FOXK2: variants seen among roughly 807,000 people sequenced by gnomAD.
FOXK2 encodes forkhead box protein K2.
In FOXK2, 24 loss-of-function variants were observed where a neutral mutation model predicts 53.3. That is an observed-to-expected ratio of 0.45 (90% CI 0.33 to 0.63). FOXK2 has a LOEUF of 0.63. FOXK2 is among the 30% of genes least tolerant of loss of function. FOXK2 has a pLI of 0.03. For synonymous variants in FOXK2, 505 were observed against 407.1 expected, an observed-to-expected ratio of 1.24 and a Z score of -2.89; for missense variants, 952 against 910.5, an observed-to-expected ratio of 1.05 and a Z score of -0.59.
chr17:82,537,458 C>T (rs568653151), intron 1 of FOXK2, among the ~76,000 whole-genome samples: 2 of 151,170 alleles, frequency 1.3e-5, no homozygotes, highest in African/African-American at 4.9e-5. Context: ...CCAGCCTGGC[C>T]AGCATACAAA....
intron 1 of FOXK2, among the ~76,000 whole-genome samples, chr17:82,542,708 A>G (rs578149233): frequency 6.6e-6 from 1 of 152,234 alleles, no homozygotes; most frequent in East Asian, 1.9e-4. Flanking sequence ...AAGCAGTATT[A>G]CCAAGGGCTT....
chr17:82,549,845 A>G (rs2044659497), intron 1 of FOXK2, among the ~76,000 whole-genome samples: 1 of 152,228 alleles, frequency 6.6e-6, no homozygotes, highest in Admixed American at 6.5e-5. Context: ...ACCTTAGAAT[A>G]TAGAGCCAGC....
Position 82,601,744 on chromosome 17 carries a change from T to TAAG in FOXK2, c.*246_*247insAGA, listed in dbSNP as rs1416552649. On this transcript the variant is annotated 3_prime_UTR_variant, in exon 9 of 9. Transcript: ENST00000335255. The stretch of plus-strand genomic sequence containing the variant: ...CTGAGCACCTGCTGGGCTGAGCTTC[T>TAAG]ACCTACGAGTGAAACTCTGTCCTCC... The TAAG allele has an allele frequency of 2.4e-6, 1 of 419,692 alleles. No homozygotes were observed. The highest frequency in any genetic ancestry group is 3.7e-5 in the Admixed American group (1 of 26,912). 26.0% of individuals were successfully genotyped at this position (419,692 alleles called of 1,614,324 possible).
chr17:82,548,663 G>A (rs956684138), intron 1 of FOXK2, among the ~76,000 whole-genome samples: 1 of 152,176 alleles, frequency 6.6e-6, no homozygotes, highest in Admixed American at 6.5e-5. Flanking sequence ...ACAGTCAAAA[G>A]CATTTGGAGG....
At chr17:82,539,610 C>T (rs2044555092) in intron 1 of FOXK2, among the ~76,000 whole-genome samples, 1 of 151,748 alleles carries the variant, frequency 6.6e-6, no homozygotes. Context: ...GATCATACCA[C>T]TGCACTCCAG....
chr17:82,553,187 A>G (rs1035507566), intron 1 of FOXK2, among the ~76,000 whole-genome samples: 3 of 152,230 alleles, frequency 2.0e-5, no homozygotes, highest in Non-Finnish European at 4.4e-5. Flanking sequence ...CTGCCTGCCA[A>G]GGCCTCCCAA....
chr17:82,523,534 ATGATCTCGGCTCATTGCAACCTCCGC>A (rs1411397433), intron 1 of FOXK2, among the ~76,000 whole-genome samples: 2 of 147,858 alleles, frequency 1.4e-5, no homozygotes, highest in Non-Finnish European at 3.0e-5. Flanking sequence ...GTGCAATGGT[ATGATCTCGGCTCATTGCAACCTCCGC>A]TTCCTGGGCT....
At chr17:82,529,326 G>A (rs945831026) in intron 1 of FOXK2, among the ~76,000 whole-genome samples, 19 of 146,020 alleles carry the variant, frequency 1.3e-4, no homozygotes, top group African/African-American at 4.1e-4. Flanking sequence ...GGGTTCAAGC[G>A]ATTCTCCTGC....
intron 1 of FOXK2, among the ~76,000 whole-genome samples, chr17:82,528,749 G>A (rs1192187479): frequency 2.0e-5 from 3 of 152,208 alleles, no homozygotes; most frequent in Non-Finnish European, 1.5e-5. Flanking sequence ...GGCTTCAAAC[G>A]CCTCTGCTGA....
intron 1 of FOXK2, among the ~76,000 whole-genome samples, chr17:82,547,076 CAAAA>C (rs57383328): frequency 3.6e-5 from 4 of 112,272 alleles, no homozygotes; most frequent in African/African-American, 3.3e-5. Context: ...AAAACTCCAT[CAAAA>C]AAAAAAAAAA....
chr17:82,568,604 T>G (rs1342881880), intron 3 of FOXK2, among the ~76,000 whole-genome samples: 1 of 152,244 alleles, frequency 6.6e-6, no homozygotes, highest in Non-Finnish European at 1.5e-5. Context: ...GTCACTTGTT[T>G]GGACAGCAGT....
At chr17:82,557,820 A>G (rs2044748072) in intron 1 of FOXK2, among the ~76,000 whole-genome samples, 1 of 152,088 alleles carries the variant, frequency 6.6e-6, no homozygotes, top group Non-Finnish European at 1.5e-5. Flanking sequence ...GTAAGTTTTT[A>G]AACATTTTTT....
chr17:82,585,416 C>T (rs1330649535), intron 6 of FOXK2: 1 of 155,470 alleles, frequency 6.4e-6, no homozygotes. Flanking sequence ...TCTCCACCTT[C>T]CAGGCTCAAG....
chr17:82,520,595 T>G (rs1337476903), intron 1 of FOXK2, among the ~76,000 whole-genome samples: 1 of 152,162 alleles, frequency 6.6e-6, no homozygotes, highest in African/African-American at 2.4e-5. Context: ...GGTTTCTGGG[T>G]TCTGTGCGTG....
chr17:82,522,606 C>T (rs2044374739), intron 1 of FOXK2, among the ~76,000 whole-genome samples: 1 of 151,802 alleles, frequency 6.6e-6, no homozygotes, highest in African/African-American at 2.4e-5. Context: ...CTCCTGACCT[C>T]ATGATCTGCC....
intron 8 of FOXK2, chr17:82,594,056 G>T (rs1036405735): frequency 5.9e-5 from 9 of 152,280 alleles, no homozygotes; most frequent in African/African-American, 2.2e-4. Flanking sequence ...AGCTGCTCCG[G>T]CGTCTCTGTC....
chr17:82,587,002 T>G lies in FOXK2; in HGVS notation c.1577-61T>G, dbSNP rs2045186242. ...GCTATCTGGTTATTATGTTTTAAAC[T>G]GGCAAGATTTTTATTTGCTTTCCAG... On this transcript the variant is annotated intron_variant, in intron 7 of 8. Coordinates refer to ENST00000335255, the MANE Select transcript of FOXK2 (RefSeq NM_004514.4). 6 of 1,529,278 alleles carry G rather than the reference T, an allele frequency of 3.9e-6. No individual in the cohort carries two copies. The South Asian group carries it at 4.5e-5, about 11-fold the overall frequency. 94.7% of individuals were successfully genotyped at this position (1,529,278 alleles called of 1,614,324 possible).
intron 1 of FOXK2, chr17:82,559,519 G>A (rs1418610442): frequency 2.2e-6 from 1 of 456,120 alleles, no homozygotes; most frequent in East Asian, 6.9e-5. Context: ...ACGTCCCCAC[G>A]TGGGACGGGC....
intron 1 of FOXK2, among the ~76,000 whole-genome samples, chr17:82,525,050 A>C (rs1285164684): frequency 1.3e-5 from 2 of 149,430 alleles, no homozygotes; most frequent in East Asian, 3.9e-4. Flanking sequence ...ATCTCGGCTC[A>C]CTGCAACCTC....
Sources: allele counts gnomAD v4.1 joint callset (sites outside exome capture counted in the v4.1 genomes callset), GRCh38; gene constraint gnomAD v4.1.1; transcripts MANE v1.5; gene names NCBI Gene and HGNC (gene_info 2026-07-23, HGNC 2026-07-21).